The following ZNF385D variants were observed in gnomAD, a reference collection of about 807,000 sequenced individuals.
The protein encoded by ZNF385D is zinc finger protein 659.
ZNF385D carries 15 observed loss-of-function variants against 35.8 expected under a neutral mutation model. The ratio of observed to expected loss-of-function variants is 0.42; its 90% CI spans 0.28 to 0.64. The LOEUF (loss-of-function observed/expected upper bound fraction) is 0.64. ZNF385D is among the 30% of genes least tolerant of loss of function. ZNF385D has a pLI of 0.23. For synonymous variants in ZNF385D, 212 were observed against 186.8 expected (o/e 1.13, Z -1.10); for missense variants, 474 against 494.6 (o/e 0.96, Z 0.39).
At chr3:21,892,116 A>T (rs964746848) in intron 3 of ZNF385D, among the ~76,000 whole-genome samples, 1 of 152,206 alleles carries the variant, frequency 6.6e-6, no homozygotes, top group East Asian at 1.9e-4. Context: ...GCTTCGTGGG[A>T]TAGGAAGCAT....
chr3:22,257,018 G>GTTC (rs1227104482), intron 2 of ZNF385D, among the ~76,000 whole-genome samples: 6 of 151,802 alleles, frequency 4.0e-5, no homozygotes, highest in Non-Finnish European at 8.8e-5. Context: ...ATGTCAGTCA[G>GTTC]AAGAAGGAAG....
At chr3:22,332,923 G>A (rs1479588669) in intron 2 of ZNF385D, among the ~76,000 whole-genome samples, 2 of 148,712 alleles carry the variant, frequency 1.3e-5, no homozygotes, top group Non-Finnish European at 3.0e-5. Flanking sequence ...TTTTCCTGGT[G>A]TTTTAACTTT....
chr3:22,208,299 A>G (rs1697289423), intron 2 of ZNF385D, among the ~76,000 whole-genome samples: 1 of 151,906 alleles, frequency 6.6e-6, no homozygotes, highest in Non-Finnish European at 1.5e-5. Context: ...ACATGGATGG[A>G]ACTGGAGGTC....
rs796932656 is a variant in ZNF385D, at chr3:21,905,790, T to C, written c.326-240762A>G. Among the ~76,000 whole-genome samples the C allele has an allele frequency of 1.6e-4, 24 of 152,106 alleles. No homozygotes were observed. In the South Asian group the frequency reaches 2.7e-3, roughly 17 times the overall value. ...ACTTGCTAACCTGACCTTTGTCTGA[T>C]AGAGGCAGAAATAAAAAGTTCATAT... On this transcript the variant is annotated intron_variant, in intron 3 of 5. Transcript: ENST00000494108.
chr3:21,868,224 T>G (rs926329115), intron 3 of ZNF385D, among the ~76,000 whole-genome samples: 1 of 152,116 alleles, frequency 6.6e-6, no homozygotes, highest in Non-Finnish European at 1.5e-5. Flanking sequence ...CTTATTGCAC[T>G]GAAAGCATCC....
At chr3:21,451,348 T>C (rs111976576) in intron 4 of ZNF385D, among the ~76,000 whole-genome samples, 4 of 152,246 alleles carry the variant, frequency 2.6e-5, no homozygotes, top group African/African-American at 7.2e-5. Context: ...AATGAATAAA[T>C]GCCAAGTAGT....
upstream of ZNF385D, among the ~76,000 whole-genome samples, chr3:21,753,766 GGTTGTT>G (rs35233792): frequency 7.4e-4 from 109 of 148,032 alleles, no homozygotes; most frequent in South Asian, 2.6e-3. Flanking sequence ...CAACTTTGGT[GGTTGTT>G]GTTGTTGTTG....
intron 3 of ZNF385D, among the ~76,000 whole-genome samples, chr3:21,840,833 G>A (rs1695622777): frequency 6.6e-6 from 1 of 151,822 alleles, no homozygotes; most frequent in African/African-American, 2.4e-5. Flanking sequence ...TTATTATATT[G>A]AAAATGCTGA....
Position 21,423,985 on chromosome 3 carries a change from T to C in ZNF385D, c.932A>G (p.Gln311Arg). 6.2e-7 allele frequency: 1 copy of C among 1,609,500 alleles called. No homozygotes were observed. Among genetic ancestry groups the C allele is most frequent in the Non-Finnish European group, 8.5e-7 (1 of 1,178,596 alleles). The change falls in exon 7 of 8, where the codon CAG (glutamine) becomes CGG (arginine). Residue 311 changes from glutamine to arginine, a missense_variant. Gln to Arg is a conservative substitution (Grantham distance 43). Coordinates refer to ENST00000281523, the MANE Select transcript of ZNF385D (RefSeq NM_024697.3). ...CACCCCCAGTGGATGTGCTGTCTTC[T>C]GTAGTTTGTTGTAAGGACTGTATTT... ...KPKYSPYNKL[Q>R]KTAHPLGVKL...
chr3:22,044,573 G>C (rs1244493984), intron 3 of ZNF385D, among the ~76,000 whole-genome samples: 3 of 152,138 alleles, frequency 2.0e-5, no homozygotes, highest in Non-Finnish European at 4.4e-5. Context: ...ATGTTTTGGA[G>C]AAGGGAGAAT....
At chr3:21,471,987 A>C (rs1703925117) in intron 4 of ZNF385D, among the ~76,000 whole-genome samples, 1 of 152,134 alleles carries the variant, frequency 6.6e-6, no homozygotes, top group Admixed American at 6.6e-5. Context: ...ATTTGTGTTT[A>C]TGTGAGGATT....
At chr3:21,927,560 T>C (rs1176366046) in intron 3 of ZNF385D, among the ~76,000 whole-genome samples, 3 of 152,344 alleles carry the variant, frequency 2.0e-5, no homozygotes, top group East Asian at 3.9e-4. Context: ...CTGGGCTGAA[T>C]TTTTAAAGTT....
intron 2 of ZNF385D, chr3:21,579,040 G>C (rs1441428696): frequency 1.3e-5 from 2 of 152,090 alleles, no homozygotes; most frequent in African/African-American, 4.8e-5. Flanking sequence ...ATTTTGATTA[G>C]AATCCTGTTT....
chr3:22,068,379 CGA>C lies in ZNF385D; in HGVS notation c.325+100436_325+100437del, dbSNP rs575700939. Among the ~76,000 whole-genome samples the C allele has an allele frequency of 9.8e-5, 15 of 152,290 alleles. No individual in the cohort carries two copies. In the South Asian group the frequency reaches 2.9e-3, roughly 29 times the overall value. Reference sequence around the variant, plus strand: ...CTGTCCCTTCATGAGCATTAAAACCCGAGATACTGTCCTTAAGTCCTATATCC... The same window carrying C: ...CTGTCCCTTCATGAGCATTAAAACCCGATACTGTCCTTAAGTCCTATATCC... On this transcript the variant is annotated intron_variant, in intron 3 of 5. Coordinates refer to the ZNF385D transcript ENST00000494108.
chr3:21,519,067 C>T (rs555881653), intron 3 of ZNF385D, among the ~76,000 whole-genome samples: 11 of 152,098 alleles, frequency 7.2e-5, no homozygotes, highest in African/African-American at 2.7e-4. Context: ...TAAATGTATT[C>T]CTGTCTTCTG....
chr3:22,109,774 A>T (rs557583164), intron 3 of ZNF385D, among the ~76,000 whole-genome samples: 8 of 152,268 alleles, frequency 5.3e-5, no homozygotes, highest in African/African-American at 1.9e-4. Flanking sequence ...CAAAATTGAC[A>T]AATGGGATCT....
chr3:21,879,958 A>G (rs542179966), intron 3 of ZNF385D, among the ~76,000 whole-genome samples: 1 of 152,092 alleles, frequency 6.6e-6, no homozygotes, highest in South Asian at 2.1e-4. Flanking sequence ...AAATCAGTCC[A>G]CCAAATTAGA....
chr3:22,168,444 C>G (rs911189555), intron 3 of ZNF385D: 1 of 152,026 alleles, frequency 6.6e-6, no homozygotes, highest in Non-Finnish European at 1.5e-5. Context: ...TGTTACCAAC[C>G]AATTGAATCC....
Position 21,921,186 on chromosome 3 carries a change from G to T in ZNF385D, c.325+247631C>A, listed in dbSNP as rs1002289308. Among the ~76,000 whole-genome samples, 5 of 127,374 alleles carry T rather than the reference G, an allele frequency of 3.9e-5. No homozygotes were observed. In the East Asian group the frequency reaches 1.2e-3, roughly 31 times the overall value. The allele number at this position is 127,374 out of a possible 152,430, so 83.6% of individuals were successfully genotyped here. ...TGCAGTGAGCCGAGATCGCGCCACC[G>T]CACTCCAGCCTGGGCGACAGAGCGA... On this transcript the variant is annotated intron_variant, in intron 3 of 5. Transcript: ENST00000494108.
Sources: allele counts gnomAD v4.1 joint callset (sites outside exome capture counted in the v4.1 genomes callset), GRCh38; gene constraint gnomAD v4.1.1; transcripts MANE v1.5; gene names NCBI Gene and HGNC (gene_info 2026-07-23, HGNC 2026-07-21).